Variants in MIR2052HG observed in about 807,000 individuals in gnomAD.
MIR2052HG encodes MIR2052 host gene.
At chr8:74,720,754 T>C (rs938633377) in intron 4 of MIR2052HG, among the ~76,000 whole-genome samples, 4 of 152,140 alleles carry the variant, frequency 2.6e-5, no homozygotes, top group Admixed American at 6.5e-5. Context: ...TGTATGTATA[T>C]ATATGTACAC....
At chr8:74,667,902 T>C (rs1487664369) in intron 2 of MIR2052HG, among the ~76,000 whole-genome samples, 6 of 152,100 alleles carry the variant, frequency 3.9e-5, no homozygotes, top group African/African-American at 1.4e-4. Flanking sequence ...GTTTGGTTTA[T>C]TTTGTGATTG....
chr8:74,695,256 A>G (rs566067346), intron 2 of MIR2052HG, among the ~76,000 whole-genome samples: 2 of 152,284 alleles, frequency 1.3e-5, no homozygotes, highest in East Asian at 3.9e-4. Flanking sequence ...AGACAAGCAA[A>G]TGCTGAGAGA....
At chr8:74,617,336 T>C (rs758212550) in intron 2 of MIR2052HG, among the ~76,000 whole-genome samples, 13 of 152,156 alleles carry the variant, frequency 8.5e-5, no homozygotes, top group Non-Finnish European at 1.3e-4. Context: ...AGTGAGAACA[T>C]GCAGTATTTG....
chr8:74,721,634 G>A (rs1418210774), intron 4 of MIR2052HG, among the ~76,000 whole-genome samples: 1 of 152,172 alleles, frequency 6.6e-6, no homozygotes, highest in Non-Finnish European at 1.5e-5. Flanking sequence ...CCTTCTTACA[G>A]CCTGAAAGCT....
chr8:74,750,523 A>C (rs1809933904), intron 4 of MIR2052HG, among the ~76,000 whole-genome samples: 1 of 152,232 alleles, frequency 6.6e-6, no homozygotes, highest in Non-Finnish European at 1.5e-5. Context: ...CAAATGTGTC[A>C]GCTTATAATG....
At chr8:74,746,773 AT>A (rs1349735189) in intron 4 of MIR2052HG, among the ~76,000 whole-genome samples, 1 of 152,082 alleles carries the variant, frequency 6.6e-6, no homozygotes, top group Non-Finnish European at 1.5e-5. Context: ...AAATAGTTAA[AT>A]TGTATTATGT....
chr8:74,695,514 T>C (rs1006922543), intron 2 of MIR2052HG, among the ~76,000 whole-genome samples: 12 of 152,138 alleles, frequency 7.9e-5, no homozygotes, highest in African/African-American at 2.9e-4. Context: ...GGATGCAGAA[T>C]GGCAGAATAG....
intron 1 of MIR2052HG, among the ~76,000 whole-genome samples, chr8:74,607,350 G>A (rs936776517): frequency 2.0e-5 from 3 of 152,120 alleles, no homozygotes; most frequent in South Asian, 2.1e-4. Flanking sequence ...GGTGGCTCAC[G>A]CCTGTAATCC....
chr8:74,704,286 T>G (rs1554577039), intron 4 of MIR2052HG, among the ~76,000 whole-genome samples: 1 of 152,028 alleles, frequency 6.6e-6, no homozygotes, highest in Non-Finnish European at 1.5e-5. Flanking sequence ...GATCAATGCT[T>G]GGTTGTTCCT....
chr8:74,749,109 G>A (rs1264598421), intron 4 of MIR2052HG, among the ~76,000 whole-genome samples: 1 of 152,110 alleles, frequency 6.6e-6, no homozygotes, highest in Non-Finnish European at 1.5e-5. Flanking sequence ...AAAAGAGAAA[G>A]GAAAGGTGAG....
chr8:74,638,145 A>T (rs1400531166), intron 2 of MIR2052HG, among the ~76,000 whole-genome samples: 3 of 152,168 alleles, frequency 2.0e-5, no homozygotes, highest in Non-Finnish European at 2.9e-5. Flanking sequence ...GAGTTATCAG[A>T]GGGATGGTTG....
intron 4 of MIR2052HG, among the ~76,000 whole-genome samples, chr8:74,724,065 T>C (rs1375993884): frequency 6.6e-6 from 1 of 152,220 alleles, no homozygotes; most frequent in African/African-American, 2.4e-5. Flanking sequence ...CATTCATTGT[T>C]TTAATTATGC....
chr8:74,719,861 T>TC (rs1586922870), intron 4 of MIR2052HG, among the ~76,000 whole-genome samples: 2 of 137,186 alleles, frequency 1.5e-5, no homozygotes, highest in African/African-American at 3.2e-5. Flanking sequence ...TTTTTTTTTT[T>TC]TTTTTGAGAG....
intron 4 of MIR2052HG, among the ~76,000 whole-genome samples, chr8:74,745,185 C>G (rs1809871466): frequency 6.6e-6 from 1 of 152,040 alleles, no homozygotes; most frequent in Non-Finnish European, 1.5e-5. Flanking sequence ...ATCCCTTGAG[C>G]CCAGAAAGTC....
intron 2 of MIR2052HG, among the ~76,000 whole-genome samples, chr8:74,661,496 T>C (rs1808865115): frequency 6.6e-6 from 1 of 152,150 alleles, no homozygotes; most frequent in South Asian, 2.1e-4. Flanking sequence ...TCACTGTGCC[T>C]GGCCTGGTCC....
intron 2 of MIR2052HG, among the ~76,000 whole-genome samples, chr8:74,673,910 T>TATATATATATATACACAC: frequency 7.5e-6 from 1 of 133,232 alleles, no homozygotes; most frequent in African/African-American, 3.4e-5. Flanking sequence ...TATATATATA[T>TATATATATATATACACAC]ACACACACAA....
At chr8:74,696,860 G>C (rs1809301737) in intron 2 of MIR2052HG, among the ~76,000 whole-genome samples, 1 of 151,738 alleles carries the variant, frequency 6.6e-6, no homozygotes, top group Non-Finnish European at 1.5e-5. Context: ...TCCAGGACCA[G>C]ATGGTTTCAC....
intron 2 of MIR2052HG, among the ~76,000 whole-genome samples, chr8:74,634,326 A>T (rs779298014): frequency 4.6e-5 from 7 of 152,196 alleles, no homozygotes; most frequent in Non-Finnish European, 7.4e-5. Flanking sequence ...AGGCAGAGAC[A>T]ACAAGGCAGA....
At position 74,675,739 on chromosome 8, in the gene MIR2052HG, C is replaced by G. The variant is rs116093089; in HGVS notation, n.217-26640C>G. ...ATACCATAGAAAACACAATTTAAAT[C>G]TAAGAGTAGAATTTTAGGCACAGTA... On this transcript the variant is annotated intron_variant and non_coding_transcript_variant, in intron 2 of 6. Transcript: ENST00000523442. Among the ~76,000 whole-genome samples, 1,454 of 151,962 alleles carry G rather than the reference C, an allele frequency of 9.6e-3. 22 individuals are homozygous for G. Among genetic ancestry groups the G allele is most frequent in the African/African-American group, 0.032 (1,324 of 41,496 alleles).
Sources: gnomAD v4.1 joint callset for allele counts (sites outside exome capture counted in the v4.1 genomes callset) on GRCh38, gnomAD v4.1.1 for gene constraint, MANE v1.5 for transcripts, NCBI Gene and HGNC (gene_info 2026-07-23, HGNC 2026-07-21) for gene names.